Variants in NXPH1 observed in about 807,000 individuals in gnomAD.
NXPH1 encodes neurexophilin-1.
A neutral mutation model predicts 23.7 loss-of-function variants in NXPH1; 5 were observed. The ratio of observed to expected loss-of-function variants is 0.21; its 90% confidence interval spans 0.11 to 0.44. NXPH1 has a LOEUF of 0.44. NXPH1 is among the 20% of genes least tolerant of loss of function. NXPH1 has a pLI of 0.99. For synonymous variants in NXPH1, 144 were observed against 122.2 expected, an observed-to-expected ratio of 1.18 and a Z score of -1.18; for missense variants, 324 against 321.6, an observed-to-expected ratio of 1.01 and a Z score of -0.06.
At chr7:8,749,997 A>G (rs1780536697) in intron 2 of NXPH1, among the ~76,000 whole-genome samples, 1 of 152,212 alleles carries the variant, frequency 6.6e-6, no homozygotes, top group African/African-American at 2.4e-5. Context: ...CTAGGAGAAC[A>G]GTGTCTGCAT....
At chr7:8,452,282 C>T (rs1310003856) in intron 2 of NXPH1, among the ~76,000 whole-genome samples, 1 of 152,174 alleles carries the variant, frequency 6.6e-6, no homozygotes, top group Non-Finnish European at 1.5e-5. Flanking sequence ...GTTTTCTATG[C>T]TGACAAACCC....
Position 8,487,208 on chromosome 7 carries a change from T to C in NXPH1, c.54+51441T>C, listed in dbSNP as rs376087061. ...GTTTGTATGATGGTAGATCCATCAT[T>C]AGTGATATGGTTTGGCTGTGCCTCC... On this transcript the variant is annotated intron_variant, in intron 2 of 2. Transcript: ENST00000405863. Among the ~76,000 whole-genome samples the C allele has an allele frequency of 1.6e-4, 24 of 152,272 alleles. No homozygotes were observed. In the South Asian group the frequency reaches 4.6e-3, roughly 29 times the overall value.
intron 2 of NXPH1, among the ~76,000 whole-genome samples, chr7:8,450,631 T>C (rs1396866011): frequency 6.6e-6 from 1 of 152,264 alleles, no homozygotes; most frequent in Non-Finnish European, 1.5e-5. Flanking sequence ...TTCATTTCAG[T>C]CTTGTACTAC....
intron 2 of NXPH1, among the ~76,000 whole-genome samples, chr7:8,670,465 A>G (rs1457757757): frequency 6.6e-5 from 10 of 152,224 alleles, no homozygotes; most frequent in African/African-American, 2.4e-4. Context: ...TACAGATTTA[A>G]TGGTACTAAC....
intron 2 of NXPH1, among the ~76,000 whole-genome samples, chr7:8,700,949 A>G (rs1380064976): frequency 1.3e-5 from 2 of 152,128 alleles, no homozygotes; most frequent in Admixed American, 6.6e-5. Context: ...ATTTCATGAT[A>G]TGTGAAATTT....
In NXPH1 at chr7:8,751,846, T is replaced by C; in HGVS notation, c.*77T>C. On this transcript the variant is annotated 3_prime_UTR_variant, in exon 3 of 3. Transcript: ENST00000405863. This position sits in a 1 kb window ranked among gnomAD's most constrained non-coding sequence, Gnocchi z 4.5. Reference sequence around the variant, plus strand: ...AGGGCTGTTACCTCAAAGAAGAAGGTCACATCTGTTGCCTGGAATGTGTCT... The same window carrying C: ...AGGGCTGTTACCTCAAAGAAGAAGGCCACATCTGTTGCCTGGAATGTGTCT... 7.4e-7 allele frequency: 1 copy of C among 1,360,246 alleles called. No individual in the cohort carries two copies. Among genetic ancestry groups the C allele is most frequent in the Non-Finnish European group, 9.9e-7 (1 of 1,014,878 alleles). 84.3% of individuals were successfully genotyped at this position (1,360,246 alleles called of 1,614,324 possible).
chr7:8,726,533 T>C (rs1285237510), intron 2 of NXPH1, among the ~76,000 whole-genome samples: 1 of 139,294 alleles, frequency 7.2e-6, no homozygotes, highest in African/African-American at 2.7e-5. Flanking sequence ...CCCCTTCCTG[T>C]GTCCATGTGT....
chr7:8,454,767 T>C (rs1016991828), intron 2 of NXPH1, among the ~76,000 whole-genome samples: 1 of 152,150 alleles, frequency 6.6e-6, no homozygotes, highest in Admixed American at 6.5e-5. Context: ...TGGAATCCCG[T>C]GATTGAAACT....
chr7:8,631,087 C>G (rs28420986), intron 2 of NXPH1, among the ~76,000 whole-genome samples: 41,601 of 151,776 alleles, frequency 0.27, 6,096 homozygotes, highest in African/African-American at 0.35. Context: ...CCATGTATGT[C>G]CCTGCAAAGG....
At chr7:8,511,516 A>G (rs1817611688) in intron 2 of NXPH1, among the ~76,000 whole-genome samples, 1 of 152,118 alleles carries the variant, frequency 6.6e-6, no homozygotes. Flanking sequence ...CCCTCATTCA[A>G]CTAGAGACCT....
chr7:8,725,380 C>T (rs963404885), intron 2 of NXPH1, among the ~76,000 whole-genome samples: 1 of 151,676 alleles, frequency 6.6e-6, no homozygotes, highest in African/African-American at 2.4e-5. Flanking sequence ...GTCCCAGCTA[C>T]GCAGTAGGCT....
At position 8,725,652 on chromosome 7, in the gene NXPH1, G is replaced by C. The variant is rs531563910; in HGVS notation, c.55-25356G>C. On this transcript the variant is annotated intron_variant, in intron 2 of 2. Transcript: ENST00000405863. Reference sequence around the variant, plus strand: ...AACTCCAGCATCATCCACCTTTGTTGAAAGGGTGAGAGGTCTATTCTATCT... The same window carrying C: ...AACTCCAGCATCATCCACCTTTGTTCAAAGGGTGAGAGGTCTATTCTATCT... 2.6e-5 allele frequency among the ~76,000 whole-genome samples: 4 copies of C among 152,300 alleles called. No individual in the cohort carries two copies. The East Asian group carries it at 7.7e-4, about 29-fold the overall frequency.
intron 2 of NXPH1, among the ~76,000 whole-genome samples, chr7:8,714,697 A>G (rs1030805349): frequency 1.3e-5 from 2 of 152,122 alleles, no homozygotes; most frequent in Non-Finnish European, 2.9e-5. Flanking sequence ...TCAAGGCAGC[A>G]GGTTCCTTTC....
intron 2 of NXPH1, among the ~76,000 whole-genome samples, chr7:8,623,354 C>G (rs1259009140): frequency 6.6e-6 from 1 of 151,978 alleles, no homozygotes; most frequent in East Asian, 1.9e-4. Context: ...GTCAGGTCCC[C>G]ACAAGTTAAA....
intron 2 of NXPH1, among the ~76,000 whole-genome samples, chr7:8,711,074 A>T (rs1056439286): frequency 3.3e-5 from 5 of 152,242 alleles, no homozygotes; most frequent in Non-Finnish European, 7.3e-5. Context: ...AGATATGGCA[A>T]CATAACTTTC....
At chr7:8,438,691 T>C (rs1412155134) in intron 2 of NXPH1, among the ~76,000 whole-genome samples, 2 of 152,176 alleles carry the variant, frequency 1.3e-5, no homozygotes, top group African/African-American at 4.8e-5. Context: ...ACCCCCAAAT[T>C]TGAGAATAAC....
At chr7:8,733,640 CT>C (rs887947798) in intron 2 of NXPH1, among the ~76,000 whole-genome samples, 38 of 151,446 alleles carry the variant, frequency 2.5e-4, no homozygotes, top group African/African-American at 6.8e-4. Context: ...CAGTGATGAG[CT>C]TTTTTTTTAA....
intron 2 of NXPH1, among the ~76,000 whole-genome samples, chr7:8,469,404 T>C (rs1308756567): frequency 6.6e-6 from 1 of 152,098 alleles, no homozygotes; most frequent in African/African-American, 2.4e-5. Flanking sequence ...GCTGGATGAT[T>C]TAGCTCCAGC....
At chr7:8,518,335 T>G (rs1368214759) in intron 2 of NXPH1, among the ~76,000 whole-genome samples, 1 of 152,164 alleles carries the variant, frequency 6.6e-6, no homozygotes, top group African/African-American at 2.4e-5. Flanking sequence ...AAGAGTAGCA[T>G]AAATGTCTTC....
Sources: allele counts gnomAD v4.1 joint callset (sites outside exome capture counted in the v4.1 genomes callset), GRCh38; gene constraint gnomAD v4.1.1; non-coding constraint Gnocchi (gnomAD v3.1); transcripts MANE v1.5; gene names NCBI Gene and HGNC (gene_info 2026-07-23, HGNC 2026-07-21).